TBX15: variants seen among roughly 807,000 people sequenced by gnomAD.
TBX15 encodes the protein T-box transcription factor 15.
A neutral mutation model predicts 53.9 loss-of-function variants in TBX15; 18 were observed. The ratio of observed to expected loss-of-function variants is 0.33; its 90% CI spans 0.23 to 0.49. The LOEUF is 0.49. Among genes scored for constraint, TBX15 ranks in the 20% least tolerant of loss-of-function variants. TBX15 has a pLI of 0.98. For missense variants in TBX15, 692 were observed against 749.5 expected (o/e 0.92, Z 0.90); for synonymous variants, 295 against 278.0 (o/e 1.06, Z -0.61).
At chr1:118,894,008 C>T (rs926064813) in intron 7 of TBX15, among the ~76,000 whole-genome samples, 2 of 152,196 alleles carry the variant, frequency 1.3e-5, no homozygotes, top group Non-Finnish European at 2.9e-5. Flanking sequence ...ACTTGGCCTA[C>T]TCTGGATGGC....
chr1:118,913,530 A>AT (rs533865807), intron 6 of TBX15, among the ~76,000 whole-genome samples: 1 of 152,212 alleles, frequency 6.6e-6, no homozygotes, highest in Non-Finnish European at 1.5e-5. Flanking sequence ...GGTCCTATAA[A>AT]CTTCAGCAAT....
chr1:118,902,983 A>C lies in TBX15; in HGVS notation c.927-3858T>G, dbSNP rs527940759. ...ATGGTATGCCATTAACGTGTTCCAC[A>C]TGGTGAGCCTCTCAGGTCTGCTGAA... On this transcript the variant is annotated intron_variant, in intron 6 of 7. Coordinates refer to ENST00000369429, the MANE Select transcript of TBX15 (RefSeq NM_001330677.2). Among the ~76,000 whole-genome samples, 11 of 152,300 alleles carry C rather than the reference A, an allele frequency of 7.2e-5. No individual in the cohort carries two copies. The East Asian group carries it at 2.1e-3, about 29-fold the overall frequency.
intron 7 of TBX15, among the ~76,000 whole-genome samples, chr1:118,895,734 G>A (rs565137683): frequency 8.6e-5 from 13 of 151,668 alleles, no homozygotes; most frequent in African/African-American, 3.2e-4. Context: ...GACATCTGAA[G>A]ACCATATACT....
At chr1:118,960,226 G>A (rs979604530) in intron 1 of TBX15, among the ~76,000 whole-genome samples, 2 of 152,128 alleles carry the variant, frequency 1.3e-5, no homozygotes, top group Admixed American at 6.5e-5. Flanking sequence ...TGGGCCTGAC[G>A]TGACTTTCCA....
intron 1 of TBX15, among the ~76,000 whole-genome samples, chr1:118,957,769 G>C (rs1041839999): frequency 2.0e-5 from 3 of 152,106 alleles, no homozygotes; most frequent in East Asian, 3.9e-4. Context: ...ATGGTTTCCA[G>C]CTTCATCCAT....
chr1:118,896,090 G>GT (rs1245313689), intron 7 of TBX15, among the ~76,000 whole-genome samples: 3 of 152,108 alleles, frequency 2.0e-5, no homozygotes, highest in Non-Finnish European at 2.9e-5. Context: ...ATTTTTTGTA[G>GT]TTTTTTTAGC....
chr1:118,959,433 T>C (rs748768267), intron 1 of TBX15, among the ~76,000 whole-genome samples: 17 of 152,204 alleles, frequency 1.1e-4, no homozygotes, highest in Non-Finnish European at 2.2e-4. Flanking sequence ...TGAGAGATGA[T>C]GGTCCTTGAT....
chr1:118,965,492 T>C lies in TBX15; in HGVS notation c.205+22099A>G, dbSNP rs1444719554. Among the ~76,000 whole-genome samples the C allele has an allele frequency of 2.0e-5, 3 of 152,260 alleles. 1 individual carries two copies. The highest frequency in any genetic ancestry group is 1.5e-5 in the Non-Finnish European group (1 of 68,006). On this transcript the variant is annotated intron_variant, in intron 1 of 7. Transcript: ENST00000369429. ...CATACACTGTGGGTGGAAGTGTAAA[T>C]TGAACAACCTTTCGGGAGGGTAATC...
intron 5 of TBX15, among the ~76,000 whole-genome samples, chr1:118,915,973 A>G (rs1655206224): frequency 6.6e-6 from 1 of 152,254 alleles, no homozygotes; most frequent in African/African-American, 2.4e-5. Flanking sequence ...TGTTAGAAAA[A>G]AACAATATCT....
chr1:118,935,904 A>G (rs1655951878), intron 1 of TBX15, among the ~76,000 whole-genome samples: 1 of 152,192 alleles, frequency 6.6e-6, no homozygotes, highest in Non-Finnish European at 1.5e-5. Flanking sequence ...GGACAAGGAC[A>G]CTGAAACAAG....
At chr1:118,982,236 T>C (rs1268008138) in intron 1 of TBX15, among the ~76,000 whole-genome samples, 1 of 152,124 alleles carries the variant, frequency 6.6e-6, no homozygotes. Flanking sequence ...AAAGAAAAAA[T>C]TATAGCCACC....
intron 1 of TBX15, among the ~76,000 whole-genome samples, chr1:118,962,462 A>G (rs1034229321): frequency 6.6e-6 from 1 of 152,094 alleles, no homozygotes; most frequent in African/African-American, 2.4e-5. Context: ...GCAACCAACA[A>G]CACCCCCTTC....
At chr1:118,973,278 T>G (rs193105731) in intron 1 of TBX15, among the ~76,000 whole-genome samples, 1 of 152,310 alleles carries the variant, frequency 6.6e-6, no homozygotes, top group East Asian at 1.9e-4. Context: ...TCAGTGCTAC[T>G]TCTTTGGCCT....
At chr1:118,885,803 T>A (rs1653922930) in intron 7 of TBX15, among the ~76,000 whole-genome samples, 1 of 152,192 alleles carries the variant, frequency 6.6e-6, no homozygotes, top group South Asian at 2.1e-4. Flanking sequence ...AGTAAGTCCT[T>A]TGTATAAAAA....
At chr1:118,889,774 A>G (rs1437186784) in intron 7 of TBX15, among the ~76,000 whole-genome samples, 1 of 150,642 alleles carries the variant, frequency 6.6e-6, no homozygotes, top group African/African-American at 2.5e-5. Context: ...AAGTGCTCAT[A>G]ACTGTATCTG....
intron 5 of TBX15, among the ~76,000 whole-genome samples, chr1:118,921,879 T>C (rs1655435697): frequency 6.6e-6 from 1 of 152,208 alleles, no homozygotes; most frequent in Non-Finnish European, 1.5e-5. Context: ...CATTCTAGAA[T>C]GTTATGAAGA....
chr1:118,953,753 T>C (rs1432646648), intron 1 of TBX15, among the ~76,000 whole-genome samples: 2 of 152,238 alleles, frequency 1.3e-5, no homozygotes, highest in African/African-American at 2.4e-5. Flanking sequence ...TGAACAATTC[T>C]CTTCACTATG....
chr1:118,944,467 TC>T (rs1297198303), intron 1 of TBX15, among the ~76,000 whole-genome samples: 1 of 152,144 alleles, frequency 6.6e-6, no homozygotes, highest in African/African-American at 2.4e-5. Context: ...GCTCTATTTT[TC>T]CCCAGGCCTA....
chr1:118,888,671 C>T (rs1175652353), intron 7 of TBX15, among the ~76,000 whole-genome samples: 1 of 152,180 alleles, frequency 6.6e-6, no homozygotes, highest in Non-Finnish European at 1.5e-5. Context: ...GGTCACTTCT[C>T]TTTGAAAGTT....
Sources: gnomAD v4.1 joint callset for allele counts (sites outside exome capture counted in the v4.1 genomes callset) on GRCh38, gnomAD v4.1.1 for gene constraint, MANE v1.5 for transcripts, NCBI Gene and HGNC (gene_info 2026-07-23, HGNC 2026-07-21) for gene names.